Variants in EFCAB6 observed in about 807,000 individuals in gnomAD.
EFCAB6 encodes EF-hand calcium-binding domain-containing protein 6.
Under a neutral mutation model 169.8 loss-of-function variants are expected in EFCAB6, and 156 were observed. The observed-to-expected ratio is 0.92, with a 90% CI of 0.81 to 1.05. EFCAB6 has a LOEUF of 1.05. Ranked by LOEUF, EFCAB6 falls within the 50% of genes least tolerant of loss-of-function variation. EFCAB6 has a pLI of 0.00. For synonymous variants in EFCAB6, 698 were observed against 676.4 expected (o/e 1.03, Z -0.50); for missense variants, 1,800 against 1,829.1 (o/e 0.98, Z 0.29).
chr22:43,812,043 C>T (rs1711496848), intron 1 of EFCAB6, 125 bp downstream of exon 1: 1 of 98,478 alleles, frequency 1.0e-5, no homozygotes, highest in Admixed American at 1.3e-4. Context: ...ATCACCACCC[C>T]TTCGTCCCTG....
chr22:43,561,372 A>G (rs897565873), intron 26 of EFCAB6, among the ~76,000 whole-genome samples: 2 of 151,852 alleles, frequency 1.3e-5, no homozygotes. Context: ...AAAAAAAAGA[A>G]AGAAAGAAAG....
intron 13 of EFCAB6, 92 bp downstream of exon 13, chr22:43,677,904 T>C: frequency 7.6e-7 from 1 of 1,311,896 alleles, no homozygotes; most frequent in Non-Finnish European, 1.0e-6. Context: ...GTTAATTTAT[T>C]TAAACCATAT....
At chr22:43,726,252 A>G (rs527593347) in intron 8 of EFCAB6, among the ~76,000 whole-genome samples, 2 of 149,950 alleles carry the variant, frequency 1.3e-5, no homozygotes, top group South Asian at 4.3e-4. Flanking sequence ...AGAAATAAGC[A>G]GAAGAAAAAA....
At chr22:43,530,064 C>T (rs1283811247) in intron 31 of EFCAB6, among the ~76,000 whole-genome samples, 1 of 152,222 alleles carries the variant, frequency 6.6e-6, no homozygotes, top group Non-Finnish European at 1.5e-5. Flanking sequence ...GAAAAGGAAG[C>T]TGAGCCTGGT....
At chr22:43,764,367 T>C (rs946434920) in intron 5 of EFCAB6, among the ~76,000 whole-genome samples, 1 of 152,216 alleles carries the variant, frequency 6.6e-6, no homozygotes, top group Non-Finnish European at 1.5e-5. Flanking sequence ...AAAGACATGA[T>C]TTCATTCTTT....
Position 43,555,028 on chromosome 22 carries a change from G to A in EFCAB6, c.3489C>T (p.Asp1163=), listed in dbSNP as rs2048620316. 5.0e-6 allele frequency: 8 copies of A among 1,614,264 alleles called. No individual in the cohort carries two copies. In the Admixed American group the frequency reaches 1.3e-4, roughly 27 times the overall value. Residue 1163 remains aspartate, a synonymous_variant, in exon 27 of 32, where the codon GAC becomes GAT. Transcript: ENST00000262726. ...PPPTSPKATA[D]RDILARLHKA... ...TGTGGAGGCGAGCCAGGATGTCTCT[G>A]TCGGCTGTGGCCTTGGGAGAGGTAG...
chr22:43,674,411 A>G (rs73174310), intron 13 of EFCAB6, among the ~76,000 whole-genome samples: 11,208 of 152,158 alleles, frequency 0.074, 613 homozygotes, highest in African/African-American at 0.15. Context: ...TGACTCTGAG[A>G]CTGGGAGGGT....
chr22:43,792,196 G>T (rs2062319805), intron 2 of EFCAB6, among the ~76,000 whole-genome samples: 1 of 152,328 alleles, frequency 6.6e-6, no homozygotes, highest in South Asian at 2.1e-4. Flanking sequence ...ACACTGTCTA[G>T]AAGAGAAGGC....
intron 30 of EFCAB6, chr22:43,533,294 T>C (rs1461380720): frequency 6.6e-6 from 1 of 152,180 alleles, no homozygotes; most frequent in Non-Finnish European, 1.5e-5. Context: ...AAATGGCTGG[T>C]GGATGAAGAC....
At chr22:43,784,651 A>ATGTGTATGTATACATATATG in intron 2 of EFCAB6, among the ~76,000 whole-genome samples, 1 of 75,344 alleles carries the variant, frequency 1.3e-5, no homozygotes, top group East Asian at 7.6e-4. Context: ...ACACATATAT[A>ATGTGTATGTATACATATATG]TGTGTATATA....
chr22:43,748,086 C>T (rs998911100), intron 6 of EFCAB6, among the ~76,000 whole-genome samples: 3 of 152,136 alleles, frequency 2.0e-5, no homozygotes, highest in African/African-American at 7.2e-5. Context: ...AGTAGGTGCT[C>T]AACAAATGCA....
At chr22:43,567,870 G>A (rs893780939) in intron 26 of EFCAB6, among the ~76,000 whole-genome samples, 5 of 152,190 alleles carry the variant, frequency 3.3e-5, no homozygotes, top group Admixed American at 3.3e-4. Context: ...CCAAGCTCCT[G>A]CCAGCCGGTG....
At chr22:43,641,978 T>C (rs2055835308) in intron 17 of EFCAB6, among the ~76,000 whole-genome samples, 1 of 152,238 alleles carries the variant, frequency 6.6e-6, no homozygotes, top group Admixed American at 6.5e-5. Context: ...TTCACTCTTA[T>C]TGCCCAGTCT....
chr22:43,757,826 C>T (rs2061013052), intron 5 of EFCAB6, among the ~76,000 whole-genome samples: 1 of 152,204 alleles, frequency 6.6e-6, no homozygotes, highest in South Asian at 2.1e-4. Context: ...ATCTCAGTGT[C>T]TGCTTCAGGA....
chr22:43,584,381 T>C lies in EFCAB6; in HGVS notation c.3033-3722A>G, dbSNP rs116708329. 4.5e-3 allele frequency among the ~76,000 whole-genome samples: 690 copies of C among 152,288 alleles called. 7 individuals are homozygous for C. Among genetic ancestry groups the C allele is most frequent in the African/African-American group, 0.015 (629 of 41,570 alleles). On this transcript the variant is annotated intron_variant, in intron 24 of 31. Coordinates refer to ENST00000262726, the MANE Select transcript of EFCAB6 (RefSeq NM_022785.4). Reference sequence around the variant, plus strand: ...GTAATCTTGGCAAATTCGTAGAGGCTGAGTGTGGACTAGTGTAAGAGTAAG... The same window carrying C: ...GTAATCTTGGCAAATTCGTAGAGGCCGAGTGTGGACTAGTGTAAGAGTAAG...
chr22:43,716,392 T>C (rs1201107775), intron 9 of EFCAB6, among the ~76,000 whole-genome samples: 3 of 152,136 alleles, frequency 2.0e-5, no homozygotes, highest in Non-Finnish European at 2.9e-5. Context: ...CAATGCCATA[T>C]TGTCTTAATT....
chr22:43,552,374 C>A lies in EFCAB6; in HGVS notation c.3648+2495G>T, dbSNP rs564909392. ...TGCCTCTAGGTCTTTGAGAAATCAC[C>A]ACAGTGTCATCCACAATGGCTAAAC... On this transcript the variant is annotated intron_variant, in intron 27 of 31. Transcript: ENST00000262726. The A allele has an allele frequency of 5.8e-4, 89 of 152,294 alleles. 1 individual carries two copies. The highest frequency in any genetic ancestry group is 2.1e-3 in the African/African-American group (87 of 41,564). The allele number at this position is 152,294 out of a possible 1,614,324, so 9.4% of individuals were successfully genotyped here.
At chr22:43,705,049 C>A (rs988141405) in intron 10 of EFCAB6, among the ~76,000 whole-genome samples, 5 of 151,772 alleles carry the variant, frequency 3.3e-5, no homozygotes, top group Non-Finnish European at 7.4e-5. Context: ...ATATTCCATG[C>A]AAATGGAAAC....
intron 24 of EFCAB6, among the ~76,000 whole-genome samples, chr22:43,589,378 G>A (rs1022907925): frequency 5.0e-5 from 7 of 139,316 alleles, no homozygotes; most frequent in African/African-American, 1.8e-4. Context: ...GGAAGTTGTT[G>A]ACTTTGGGTA....
Sources: allele counts gnomAD v4.1 joint callset (sites outside exome capture counted in the v4.1 genomes callset), GRCh38; gene constraint gnomAD v4.1.1; transcripts MANE v1.5; gene names NCBI Gene and HGNC (gene_info 2026-07-23, HGNC 2026-07-21).